Variants in PTGER3 observed in about 807,000 individuals in gnomAD.
PTGER3 encodes prostaglandin E receptor 3.
Under a neutral mutation model 34.7 loss-of-function variants are expected in PTGER3, and 22 were observed. The observed-to-expected ratio is 0.63, with a 90% CI of 0.45 to 0.91. The LOEUF (loss-of-function observed/expected upper bound fraction) is 0.91, where lower values mean the gene tolerates loss of function less well. Ranked by LOEUF, PTGER3 falls within the 40% of genes least tolerant of loss-of-function variation. The probability of loss-of-function intolerance (pLI) is 0.00; values close to 1 mark genes in which losing one functional copy is unlikely to be tolerated. For synonymous variants in PTGER3, 241 were observed against 230.1 expected (o/e 1.05, Z -0.43); for missense variants, 468 against 519.4 (o/e 0.90, Z 0.96).
At chr1:70,944,566 TG>T (rs1650047506) in intron 4 of PTGER3, among the ~76,000 whole-genome samples, 3 of 152,148 alleles carry the variant, frequency 2.0e-5, no homozygotes, top group Admixed American at 2.0e-4. Flanking sequence ...TGAATTTTGG[TG>T]TTGTTTGAAA....
chr1:70,896,332 A>G (rs1646721352), intron 4 of PTGER3, among the ~76,000 whole-genome samples: 1 of 152,174 alleles, frequency 6.6e-6, no homozygotes, highest in African/African-American at 2.4e-5. Context: ...AAGGGGGGAA[A>G]TTTGGACACA....
chr1:70,956,239 A>G (rs1393911135), intron 2 of PTGER3, among the ~76,000 whole-genome samples: 3 of 152,134 alleles, frequency 2.0e-5, no homozygotes, highest in Non-Finnish European at 4.4e-5. Flanking sequence ...CTTTTGGGGG[A>G]ACCATTTTAA....
intron 2 of PTGER3, among the ~76,000 whole-genome samples, chr1:70,983,356 A>G (rs1048350128): frequency 6.6e-6 from 1 of 152,066 alleles, no homozygotes; most frequent in African/African-American, 2.4e-5. Flanking sequence ...CAGTTATTGA[A>G]TATCAGTACC....
At chr1:70,856,080 T>TA (rs781242325) in intron 4 of PTGER3, among the ~76,000 whole-genome samples, 22 of 152,156 alleles carry the variant, frequency 1.4e-4, no homozygotes, top group Non-Finnish European at 2.9e-4. Flanking sequence ...CAGAGACTCT[T>TA]ATGCTAGTTT....
At chr1:70,976,280 T>G (rs577142479) in intron 2 of PTGER3, among the ~76,000 whole-genome samples, 43 of 152,232 alleles carry the variant, frequency 2.8e-4, no homozygotes, top group Middle Eastern at 3.4e-3. Flanking sequence ...TCATTATACA[T>G]TTTTCCAAAC....
intron 2 of PTGER3, among the ~76,000 whole-genome samples, chr1:70,988,768 C>T (rs1444863794): frequency 1.6e-4 from 24 of 152,192 alleles, no homozygotes; most frequent in Admixed American, 1.6e-3. Context: ...TTTTCTGAAG[C>T]TGACCAAAAC....
At chr1:70,952,417 T>A (rs1650852109), downstream of PTGER3, 1 of 985,158 alleles carries the variant, frequency 1.0e-6, no homozygotes, top group African/African-American at 1.7e-5. Flanking sequence ...AAGTGGAAGT[T>A]TTTTGCCAGT....
chr1:70,944,042 TTAGA>T (rs958516511), intron 4 of PTGER3, among the ~76,000 whole-genome samples: 6 of 152,220 alleles, frequency 3.9e-5, no homozygotes, highest in East Asian at 1.9e-4. Flanking sequence ...CTTAAATCAA[TTAGA>T]TAGTATAGTT....
chr1:70,874,790 T>C (rs1572517761), intron 4 of PTGER3, among the ~76,000 whole-genome samples: 1 of 152,278 alleles, frequency 6.6e-6, no homozygotes, highest in South Asian at 2.1e-4. Flanking sequence ...CACTAACAGA[T>C]TTGTATAAGT....
intron 4 of PTGER3, among the ~76,000 whole-genome samples, chr1:70,855,578 T>C (rs1200616949): frequency 6.6e-6 from 1 of 152,184 alleles, no homozygotes; most frequent in East Asian, 1.9e-4. Flanking sequence ...TGGTGATTGG[T>C]ATATCTAGTA....
chr1:70,984,517 C>A (rs1394752526), intron 2 of PTGER3, among the ~76,000 whole-genome samples: 1 of 152,042 alleles, frequency 6.6e-6, no homozygotes, highest in Non-Finnish European at 1.5e-5. Flanking sequence ...GAATTTGAGA[C>A]CAGCCTGGGC....
At chr1:71,007,817 T>C (rs1281715626) in intron 2 of PTGER3, 1 of 984,880 alleles carries the variant, frequency 1.0e-6, no homozygotes, top group East Asian at 1.1e-4. Flanking sequence ...ATCAAAATAT[T>C]CTAATTCTAA....
At chr1:70,931,265 G>C (rs892509051) in intron 4 of PTGER3, among the ~76,000 whole-genome samples, 4 of 152,170 alleles carry the variant, frequency 2.6e-5, no homozygotes, top group African/African-American at 9.7e-5. Context: ...GGCTTTGCAG[G>C]GTACAGCCCC....
chr1:71,036,452 G>A (rs1445645542), intron 1 of PTGER3, among the ~76,000 whole-genome samples: 1 of 152,162 alleles, frequency 6.6e-6, no homozygotes, highest in African/African-American at 2.4e-5. Flanking sequence ...AATAGTTCAA[G>A]GCTGCAGTGA....
chr1:70,979,457 C>A (rs1186026048), intron 2 of PTGER3, among the ~76,000 whole-genome samples: 3 of 150,216 alleles, frequency 2.0e-5, no homozygotes, highest in African/African-American at 4.9e-5. Flanking sequence ...AGAATACAGA[C>A]AGATTTGTCA....
At chr1:70,984,723 T>C (rs1008889074) in intron 2 of PTGER3, among the ~76,000 whole-genome samples, 1 of 151,846 alleles carries the variant, frequency 6.6e-6, no homozygotes, top group South Asian at 2.1e-4. Flanking sequence ...TGAGACCCTG[T>C]CTCTAGAAAT....
chr1:71,044,723 A>G (rs1660607771), intron 1 of PTGER3, among the ~76,000 whole-genome samples: 2 of 152,152 alleles, frequency 1.3e-5, no homozygotes, highest in Admixed American at 1.3e-4. Context: ...TCAAAAACAC[A>G]CTACATGGCT....
At chr1:70,973,123 T>C (rs1572813011) in intron 3 of PTGER3, among the ~76,000 whole-genome samples, 1 of 14,832 alleles carries the variant, frequency 6.7e-5, no homozygotes, top group African/African-American at 1.8e-4. Flanking sequence ...AGTGTGCACG[T>C]GTGTGTGTGT....
chr1:70,963,012 C>G (rs1453884275), intron 2 of PTGER3, among the ~76,000 whole-genome samples: 1 of 152,204 alleles, frequency 6.6e-6, no homozygotes, highest in Non-Finnish European at 1.5e-5. Context: ...GTAAATACAG[C>G]TATTCCACAT....
Sources: allele counts gnomAD v4.1 joint callset (sites outside exome capture counted in the v4.1 genomes callset), GRCh38; gene constraint gnomAD v4.1.1; transcripts MANE v1.5; gene names NCBI Gene and HGNC (gene_info 2026-07-23, HGNC 2026-07-21).